Variants in PKP2 observed in about 807,000 individuals in gnomAD.
PKP2 encodes plakophilin-2.
Under a neutral mutation model 83.4 loss-of-function variants are expected in PKP2, and 73 were observed. That is an observed-to-expected ratio of 0.88 (90% CI 0.72 to 1.06). PKP2 has a LOEUF of 1.06. Ranked by LOEUF, PKP2 falls within the 50% of genes least tolerant of loss-of-function variation. The pLI is 0.00. For synonymous variants in PKP2, 409 were observed against 430.4 expected (o/e 0.95, Z 0.62); for missense variants, 966 against 1,065.4 (o/e 0.91, Z 1.30).
intron 5 of PKP2, among the ~76,000 whole-genome samples, chr12:32,850,329 G>A (rs965995008): frequency 2.0e-5 from 3 of 152,054 alleles, no homozygotes; most frequent in Non-Finnish European, 2.9e-5. Context: ...CGAGGCGGGC[G>A]GATCACAAGG....
In PKP2 at chr12:32,822,528, A is replaced by G. The variant is rs1415848234; in HGVS notation, c.1778T>C (p.Ile593Thr). 5 of 1,614,106 alleles carry G rather than the reference A, an allele frequency of 3.1e-6. No homozygotes were observed. The highest frequency in any genetic ancestry group is 4.2e-6 in the Non-Finnish European group (5 of 1,180,034). ...SQNIYIQNRN[I>T]QTDNNKSIGC... is the part of the protein sequence containing the mutation. ...AATACTTTTGTTGTTGTCAGTCTGGATATTCCGGTTTTGAATATAGATATT... is the reference window on the plus strand; with the variant it reads ...AATACTTTTGTTGTTGTCAGTCTGGGTATTCCGGTTTTGAATATAGATATT... The change falls in exon 8 of 13, where the codon ATC becomes ACC. Residue 593 changes from isoleucine (I) to threonine (T), a missense_variant. Ile to Thr is a moderately conservative substitution (Grantham distance 89, BLOSUM62 -1). Transcript: ENST00000340811.
At chr12:32,803,392 CAAAT>C (rs970404680) in intron 9 of PKP2, among the ~76,000 whole-genome samples, 4 of 152,026 alleles carry the variant, frequency 2.6e-5, no homozygotes, top group Non-Finnish European at 5.9e-5. Context: ...AACAAACAAA[CAAAT>C]GCAATGCAAT....
At chr12:32,878,651 AGAT>A (rs1334451185) in intron 2 of PKP2, 108 bp from the exon 3 acceptor site, 35 of 948,288 alleles carry the variant, frequency 3.7e-5, no homozygotes, top group Non-Finnish European at 5.4e-5. Flanking sequence ...TCTCTGAATC[AGAT>A]GACGAGAAGT....
chr12:32,805,524 C>T (rs144415233), intron 9 of PKP2, among the ~76,000 whole-genome samples: 8,965 of 152,276 alleles, frequency 0.059, 523 homozygotes, highest in Admixed American at 0.19. Flanking sequence ...CTGCATATGA[C>T]TAGCCAGTTC....
chr12:32,842,348 T>C (rs1956601476), intron 5 of PKP2, among the ~76,000 whole-genome samples: 1 of 152,136 alleles, frequency 6.6e-6, no homozygotes, highest in East Asian at 1.9e-4. Context: ...GTTCAAGCAA[T>C]GCTCCTGCCT....
chr12:32,821,309 TACA>T, intron 9 of PKP2, 44 bp downstream of exon 9: 2 of 1,491,418 alleles, frequency 1.3e-6, no homozygotes, highest in African/African-American at 2.8e-5. Flanking sequence ...TAGGTATGTC[TACA>T]ATATCATTAT....
rs1555149561 is a variant in PKP2, at chr12:32,892,826, G to GGGC, written c.223+3682_223+3683insGCC. 4.7e-5 allele frequency among the ~76,000 whole-genome samples: 6 copies of GGGC among 128,558 alleles called. 1 individual carries two copies. The highest frequency in any genetic ancestry group is 8.5e-5 in the Non-Finnish European group (5 of 58,720). 84.3% of individuals were successfully genotyped at this position (128,558 alleles called of 152,430 possible). A position where few individuals can be genotyped will look rare whatever the true frequency, so the allele number is the denominator to read the frequency against. On this transcript the variant is annotated intron_variant, in intron 1 of 12. Transcript: ENST00000340811. ...GATACCTGGGGTGGGGGCGGGGGGG[G>GGGC]GGGGAGAACTGTGTAGCAAGTAGTA...
Position 32,792,307 on chromosome 12 carries a change from C to T in PKP2, c.*117G>A, listed in dbSNP as rs1486483715. On this transcript the variant is annotated 3_prime_UTR_variant, in exon 13 of 13. Coordinates refer to ENST00000340811, the MANE Select transcript of PKP2 (RefSeq NM_001005242.3). Reference sequence around the variant, plus strand: ...TTTGTTTTCTGGATTCAGGGGACCACGGAAATAGAGAAGGATAGAAACAAG... The same window carrying T: ...TTTGTTTTCTGGATTCAGGGGACCATGGAAATAGAGAAGGATAGAAACAAG... The T allele has an allele frequency of 4.2e-5, 33 of 794,662 alleles. No homozygotes were observed. The highest frequency in any genetic ancestry group is 3.1e-4 in the Middle Eastern group (1 of 3,212). The allele number at this position is 794,662 out of a possible 1,614,324, so 49.2% of individuals were successfully genotyped here.
At chr12:32,844,362 T>A (rs536433771) in intron 5 of PKP2, among the ~76,000 whole-genome samples, 1 of 152,292 alleles carries the variant, frequency 6.6e-6, no homozygotes, top group African/African-American at 2.4e-5. Flanking sequence ...AAAAGTTTAA[T>A]ACTCTTAATA....
chr12:32,869,943 C>A (rs1024134146), intron 3 of PKP2, among the ~76,000 whole-genome samples: 5 of 152,120 alleles, frequency 3.3e-5, no homozygotes, highest in Admixed American at 6.5e-5. Flanking sequence ...GTGGGAGGAT[C>A]GCTTGAGCTT....
At chr12:32,894,981 C>T (rs1478188650) in intron 1 of PKP2, among the ~76,000 whole-genome samples, 2 of 152,032 alleles carry the variant, frequency 1.3e-5, no homozygotes, top group African/African-American at 4.8e-5. Context: ...TGGGAGGGGG[C>T]CACGGAGAGG....
intron 6 of PKP2, among the ~76,000 whole-genome samples, chr12:32,838,457 A>C (rs1956561713): frequency 6.6e-6 from 1 of 151,296 alleles, no homozygotes; most frequent in Non-Finnish European, 1.5e-5. Flanking sequence ...ACAAACCTGT[A>C]CATGTACTTC....
At chr12:32,821,203 G>A (rs1452486162) in intron 9 of PKP2, 153 bp downstream of exon 9, 4 of 711,346 alleles carry the variant, frequency 5.6e-6, no homozygotes, top group Non-Finnish European at 9.7e-6. Flanking sequence ...CTTTGCATAA[G>A]CTGAGACCGA....
At position 32,866,117 on chromosome 12, in the gene PKP2, T is replaced by G. The variant is rs553626682; in HGVS notation, c.1170+2810A>C. ...TGGGAGAAAATATTTTCATATTATA[T>G]ATCTAGAAAAGGTCTTGTATACAGA... On this transcript the variant is annotated intron_variant, in intron 4 of 12. Transcript: ENST00000340811. 1.2e-3 allele frequency among the ~76,000 whole-genome samples: 188 copies of G among 152,200 alleles called. 1 individual carries two copies. Among genetic ancestry groups the G allele is most frequent in the African/African-American group, 4.1e-3 (171 of 41,562 alleles).
In PKP2 at chr12:32,868,778, T is replaced by C; in HGVS notation, c.1170+149A>G. The C allele has an allele frequency of 5.6e-6, 5 of 887,892 alleles. No individual in the cohort carries two copies. In the South Asian group the frequency reaches 7.1e-5, roughly 13 times the overall value. The allele number at this position is 887,892 out of a possible 1,614,324, so 55.0% of individuals were successfully genotyped here. ...ACCTTGTGATCCACCTGCCTCGGCC[T>C]CCCAAAGTGCTGGGAATATAGGCGT... On this transcript the variant is annotated intron_variant, in intron 4 of 12. Coordinates refer to ENST00000340811, the MANE Select transcript of PKP2 (RefSeq NM_001005242.3).
chr12:32,880,581 C>G (rs1029817561), intron 1 of PKP2, among the ~76,000 whole-genome samples: 7 of 152,124 alleles, frequency 4.6e-5, no homozygotes, highest in African/African-American at 1.7e-4. Flanking sequence ...CACCTGGCCC[C>G]TCTTTTGTTT....
intron 1 of PKP2, among the ~76,000 whole-genome samples, chr12:32,891,073 C>T (rs2137992935): frequency 6.6e-6 from 1 of 152,226 alleles, no homozygotes. Context: ...AGGTGGCTCA[C>T]TCTAATAGAA....
chr12:32,865,454 G>C (rs1404593834), intron 4 of PKP2, among the ~76,000 whole-genome samples: 4 of 151,652 alleles, frequency 2.6e-5, no homozygotes, highest in Non-Finnish European at 5.9e-5. Flanking sequence ...GCCAAGGTGG[G>C]CAGATCACTT....
Position 32,821,510 on chromosome 12 carries a change from A to G in PKP2, c.1859T>C (p.Met620Thr), listed in dbSNP as rs1306229723. Residue 620 changes from methionine to threonine, a missense_variant, in exon 9 of 13, where the codon ATG becomes ACG. Transcript: ENST00000340811. ...KVKEQYQDVPMPEEKSNPKGV... is the reference protein window; with the variant it reads ...KVKEQYQDVPTPEEKSNPKGV... ...CTTGGGGTTGCTCTTTTCCTCCGGC[A>G]TCGGCACGTCCTGGTATTGCTGACC... 3 of 1,614,066 alleles carry G rather than the reference A, an allele frequency of 1.9e-6. No homozygotes were observed. The highest frequency in any genetic ancestry group is 2.2e-5 in the South Asian group (2 of 91,084).
Sources: allele counts gnomAD v4.1 joint callset (sites outside exome capture counted in the v4.1 genomes callset), GRCh38; gene constraint gnomAD v4.1.1; transcripts MANE v1.5; gene names NCBI Gene and HGNC (gene_info 2026-07-23, HGNC 2026-07-21).